Variants in IDUA observed in about 807,000 individuals in gnomAD.
The protein encoded by IDUA is iduronidase alpha-L-.
In IDUA, 65 loss-of-function variants were observed where a neutral mutation model predicts 68.9. That is an observed-to-expected ratio of 0.94 (90% CI 0.77 to 1.16). The LOEUF (loss-of-function observed/expected upper bound fraction) is 1.16. Among genes scored for constraint, IDUA ranks in the 50% most tolerant of loss-of-function variants. The pLI, the probability that IDUA is intolerant of heterozygous loss-of-function variation, is 0.00. For synonymous variants in IDUA, 529 were observed against 433.6 expected (o/e 1.22, Z -2.73); for missense variants, 1,046 against 938.0 (o/e 1.12, Z -1.50).
intron 2 of IDUA, among the ~76,000 whole-genome samples, chr4:994,991 G>A (rs1389732685): frequency 1.3e-5 from 2 of 152,066 alleles, no homozygotes; most frequent in Non-Finnish European, 2.9e-5. Context: ...CTTGAGCCCT[G>A]GAGGTCCAGG....
chr4:991,791 TC>T (rs1473486180), intron 2 of IDUA: 1 of 1,530,674 alleles, frequency 6.5e-7, no homozygotes, highest in Non-Finnish European at 8.7e-7. Context: ...AACGACAAGG[TC>T]CCCGGCAGCA....
At chr4:988,154 T>C in intron 2 of IDUA, 2 of 1,398,984 alleles carry the variant, frequency 1.4e-6, no homozygotes, top group African/African-American at 2.9e-5. Flanking sequence ...GTGGGCTTCC[T>C]GCAGGTCTCC....
intron 7 of IDUA, 26 bp from the exon 8 acceptor site, chr4:1,002,243 G>C (rs1433742616): frequency 1.3e-6 from 2 of 1,599,414 alleles, no homozygotes; most frequent in Admixed American, 3.4e-5. Flanking sequence ...GCGCCACCCG[G>C]TCCCAGCTGC....
chr4:990,279 G>A lies in IDUA; in HGVS notation c.299+2330G>A, dbSNP rs746111171. 1.3e-5 allele frequency: 21 copies of A among 1,600,366 alleles called. No individual in the cohort carries two copies. The highest frequency in any genetic ancestry group is 3.3e-4 in the Middle Eastern group (2 of 6,018). ...TGAGCTGCGAGGTCAGGATGGTCACGGAGGCCCCCATGGCAAAGCCATCGA... is the reference window on the plus strand; with the variant it reads ...TGAGCTGCGAGGTCAGGATGGTCACAGAGGCCCCCATGGCAAAGCCATCGA... On this transcript the variant is annotated intron_variant, in intron 2 of 13. Transcript: ENST00000514224.
intron 2 of IDUA, among the ~76,000 whole-genome samples, chr4:995,358 A>C (rs1191758781): frequency 6.6e-6 from 1 of 152,120 alleles, no homozygotes; most frequent in African/African-American, 2.4e-5. Context: ...TGTCTCAAAA[A>C]AAAAAAAAAA....
At chr4:994,304 C>A (rs1714594336) in intron 2 of IDUA, among the ~76,000 whole-genome samples, 1 of 150,978 alleles carries the variant, frequency 6.6e-6, no homozygotes, top group Non-Finnish European at 1.5e-5. Context: ...GAGGCGGAGT[C>A]TTGCTCTGTC....
chr4:989,311 C>T, intron 2 of IDUA: 1 of 1,611,650 alleles, frequency 6.2e-7, no homozygotes, highest in South Asian at 1.1e-5. Context: ...CAGCGGCCCC[C>T]CAAAGCGGAA....
chr4:1,002,485 G>C lies in IDUA; in HGVS notation c.1189G>C (p.Asp397His). The change falls in exon 8 of 14, where the codon GAT becomes CAT. Residue 397 changes from aspartate to histidine, a missense_variant and splice_region_variant. Coordinates refer to ENST00000514224, the MANE Select transcript of IDUA (RefSeq NM_000203.5). The part of the protein sequence containing the change: ...LTAMGLLALL[D>H]EEQLWAEVSQ... The stretch of plus-strand genomic sequence containing the variant: ...GGCCATGGGGCTGCTGGCGCTGCTG[G>C]GTGAGCCGGGGCCGCTGGGGTGGGC... 2 of 1,533,694 alleles carry C rather than the reference G, an allele frequency of 1.3e-6. No homozygotes were observed. The highest frequency in any genetic ancestry group is 1.2e-5 in the South Asian group (1 of 81,846).
At chr4:990,222 G>C in intron 2 of IDUA, 7 of 1,568,288 alleles carry the variant, frequency 4.5e-6, no homozygotes, top group Non-Finnish European at 6.0e-6. Flanking sequence ...CGGGCCCCTG[G>C]TGCCGCGGGA....
At position 1,002,810 on chromosome 4, in the gene IDUA, G is replaced by C. The variant is rs1273724499; in HGVS notation, c.1268G>C (p.Ser423Thr). 2.7e-6 allele frequency: 4 copies of C among 1,459,642 alleles called. No homozygotes were observed. The highest frequency in any genetic ancestry group is 3.6e-6 in the Non-Finnish European group (4 of 1,111,884). The allele number at this position is 1,459,642 out of a possible 1,614,324, so 90.4% of individuals were successfully genotyped here. ...AACCACACGGTGGGCGTCCTGGCCA[G>C]CGCCCACCGCCCCCAGGGCCCGGCC... ...DSNHTVGVLA[S>T]AHRPQGPADA... Residue 423 changes from serine (S) to threonine (T), a missense_variant, in exon 9 of 14, where the codon AGC becomes ACC. Transcript: ENST00000514224.
At chr4:991,483 A>G (rs1577520575) in intron 2 of IDUA, 2 of 1,611,126 alleles carry the variant, frequency 1.2e-6, no homozygotes, top group African/African-American at 1.3e-5. Flanking sequence ...CAGCCCAGAC[A>G]TGACGTCGCC....
At chr4:993,766 C>G (rs3806757) in intron 2 of IDUA, among the ~76,000 whole-genome samples, 7,465 of 152,304 alleles carry the variant, frequency 0.049, 243 homozygotes, top group East Asian at 0.11. Context: ...TCTCCGTGTC[C>G]AGTCGCCGGA....
At position 1,000,906 on chromosome 4, in the gene IDUA, C is replaced by A; in HGVS notation, c.410C>A (p.Ser137Ter). Reference sequence around the variant, plus strand: ...GGGTTTGAGCTGATGGGCAGCGCCTCGGGCCACTTCACTGACTTTGAGGAC... The same window carrying A: ...GGGTTTGAGCTGATGGGCAGCGCCTAGGGCCACTTCACTGACTTTGAGGAC... Reference protein sequence around the residue: ...LPGFELMGSASGHFTDFEDKQ... With the variant: ...LPGFELMGSA The change falls in exon 4 of 14, where the codon TCG becomes TAG. Residue 137 changes from serine (S) to a stop codon, truncating the protein, a stop_gained. Transcript: ENST00000514224. LOFTEE classifies it high-confidence loss of function. The A allele has an allele frequency of 1.2e-6, 2 of 1,613,348 alleles. No individual in the cohort carries two copies. The highest frequency in any genetic ancestry group is 8.5e-7 in the Non-Finnish European group (1 of 1,179,924).
At position 1,000,600 on chromosome 4, in the gene IDUA, G is replaced by C. The variant is rs776750200; in HGVS notation, c.300-12G>C. On this transcript the variant is annotated splice_polypyrimidine_tract_variant and intron_variant, in intron 2 of 13. Coordinates refer to ENST00000514224, the MANE Select transcript of IDUA (RefSeq NM_000203.5). ...GGCACCCTGCTTCCTGACGCTGACC[G>C]TCCTTCTGCAGGGGGTCCACTGGAC... is the stretch of plus-strand genomic sequence containing the variant. 6.2e-7 allele frequency: 1 copy of C among 1,607,856 alleles called. No homozygotes were observed. Among genetic ancestry groups the C allele is most frequent in the East Asian group, 2.2e-5 (1 of 44,872 alleles).
chr4:989,133 C>T, intron 2 of IDUA: 1 of 1,606,814 alleles, frequency 6.2e-7, no homozygotes, highest in Middle Eastern at 1.7e-4. Context: ...CTGCGGGCAC[C>T]AGCGCAGCCC....
In IDUA at chr4:987,120, G is replaced by A. The variant is rs1403980379; in HGVS notation, c.36G>A (p.Ala12=). 1 of 1,438,812 alleles carries A rather than the reference G, an allele frequency of 7.0e-7. No individual in the cohort carries two copies. The highest frequency in any genetic ancestry group is 9.1e-7 in the Non-Finnish European group (1 of 1,100,250). 89.1% of individuals were successfully genotyped at this position (1,438,812 alleles called of 1,614,324 possible). A position where few individuals can be genotyped will look rare whatever the true frequency, so the allele number is the denominator to read the frequency against. ...RPLRPRAALL[A]LLASLLAAPP... ...TGCGCCCCCGCGCCGCGCTGCTGGC[G>A]CTCCTGGCCTCGCTCCTGGCCGCGC... is the stretch of plus-strand genomic sequence containing the variant. The change falls in exon 1 of 14, where the codon GCG becomes GCA. Residue 12 remains alanine (A), a synonymous_variant. Coordinates refer to ENST00000514224, the MANE Select transcript of IDUA (RefSeq NM_000203.5).
At chr4:991,629 C>CCGGGGTG (rs1714346604) in intron 2 of IDUA, 1 of 1,577,158 alleles carries the variant, frequency 6.3e-7, no homozygotes, top group Non-Finnish European at 8.6e-7. Flanking sequence ...CACGCAGACC[C>CCGGGGTG]CGGGGTGCTG....
At chr4:999,162 G>T (rs527950233) in intron 2 of IDUA, among the ~76,000 whole-genome samples, 2 of 150,484 alleles carry the variant, frequency 1.3e-5, no homozygotes, top group South Asian at 2.1e-4. Flanking sequence ...CCGAGATCGC[G>T]CCACTGCACC....
chr4:1,001,933 GC>G, intron 6 of IDUA, 48 bp from the exon 7 acceptor site: 1 of 1,569,144 alleles, frequency 6.4e-7, no homozygotes, highest in Non-Finnish European at 8.6e-7. Context: ...CAGCCGCTGT[GC>G]CCCGGGCCGC....
Sources: gnomAD v4.1 joint callset for allele counts (sites outside exome capture counted in the v4.1 genomes callset) on GRCh38, gnomAD v4.1.1 for gene constraint, MANE v1.5 for transcripts, NCBI Gene and HGNC (gene_info 2026-07-23, HGNC 2026-07-21) for gene names.